SAFB: variants seen among roughly 807,000 people sequenced by gnomAD.
The protein encoded by SAFB is scaffold attachment factor B, also known as scaffold attachment factor B1.
In SAFB, 15 loss-of-function variants were observed where a neutral mutation model predicts 101.6. The observed-to-expected ratio is 0.15, with a 90% CI of 0.10 to 0.23. The LOEUF (loss-of-function observed/expected upper bound fraction) is 0.23. SAFB is among the 10% of genes least tolerant of loss of function. The pLI, the probability that SAFB is intolerant of heterozygous loss-of-function variation, is 1.00. For synonymous variants in SAFB, 449 were observed against 407.5 expected (o/e 1.10, Z -1.23); for missense variants, 930 against 1,104.1 (o/e 0.84, Z 2.23).
rs181905925 is a variant in SAFB, at chr19:5,630,125, C to G, written c.274+3636C>G. ...GTGCCTATTTCACTAAACTCAACAT[C>G]AAACTTACCTTGTTTGCCTGTTACC... On this transcript the variant is annotated intron_variant, in intron 2 of 20. Coordinates refer to ENST00000588852, the MANE Select transcript of SAFB (RefSeq NM_001201338.2). 8.5e-5 allele frequency among the ~76,000 whole-genome samples: 13 copies of G among 152,366 alleles called. No individual in the cohort carries two copies. The East Asian group carries it at 2.5e-3, about 29-fold the overall frequency.
At position 5,668,165 on chromosome 19, in the gene SAFB, C is replaced by T. The variant is rs76836312; in HGVS notation, c.2628C>T (p.Arg876=). ...ACCAATGTGAATTTGTTCCTAGGCGCGGCAGCTTTGCCCCAGGCGGGGCCT... is the reference window on the plus strand; with the variant it reads ...ACCAATGTGAATTTGTTCCTAGGCGTGGCAGCTTTGCCCCAGGCGGGGCCT... ...HMMNRGGMSG[R]GSFAPGGASR... Residue 876 remains arginine (R), a synonymous_variant, in exon 21 of 21, where the codon CGC becomes CGT. Coordinates refer to ENST00000588852, the MANE Select transcript of SAFB (RefSeq NM_001201338.2). 7.9e-3 allele frequency: 12,691 copies of T among 1,606,942 alleles called. 68 individuals are homozygous for T. The highest frequency in any genetic ancestry group is 0.013 in the Middle Eastern group (80 of 6,032).
intron 1 of SAFB, among the ~76,000 whole-genome samples, chr19:5,624,984 A>G (rs1262872945): frequency 2.6e-5 from 4 of 152,156 alleles, no homozygotes; most frequent in Admixed American, 2.0e-4. Context: ...ATAGGCCTGA[A>G]AAGCTGCTGT....
At position 5,634,221 on chromosome 19, in the gene SAFB, A is replaced by G. The variant is rs144972020; in HGVS notation, c.275-7373A>G. On this transcript the variant is annotated intron_variant, in intron 2 of 20. Coordinates refer to ENST00000588852, the MANE Select transcript of SAFB (RefSeq NM_001201338.2). Reference sequence around the variant, plus strand: ...AGAGAAAATTTTCCTAGATATGATGACTTTTTATCAGAAAATTGTCACTTT... The same window carrying G: ...AGAGAAAATTTTCCTAGATATGATGGCTTTTTATCAGAAAATTGTCACTTT... Among the ~76,000 whole-genome samples, 33 of 152,206 alleles carry G rather than the reference A, an allele frequency of 2.2e-4. No homozygotes were observed. The East Asian group carries it at 5.4e-3, about 25-fold the overall frequency.
At chr19:5,650,782 T>C (rs2053922422) in intron 8 of SAFB, among the ~76,000 whole-genome samples, 196 bp from the exon 9 acceptor site, 2 of 152,162 alleles carry the variant, frequency 1.3e-5, no homozygotes, top group Admixed American at 1.3e-4. Flanking sequence ...ACGGGCCCTG[T>C]GGTAGTGCTG....
At chr19:5,634,570 ACT>A (rs1393153251) in intron 2 of SAFB, among the ~76,000 whole-genome samples, 1 of 152,024 alleles carries the variant, frequency 6.6e-6, no homozygotes, top group Non-Finnish European at 1.5e-5. Context: ...AAAAGTTTTA[ACT>A]CTCTGTTAAG....
At chr19:5,666,916 C>T (rs2054338806) in intron 17 of SAFB, 130 bp from the exon 18 acceptor site, 7 of 765,704 alleles carry the variant, frequency 9.1e-6, no homozygotes, top group Non-Finnish European at 1.4e-5. Flanking sequence ...TTGTGTGAAC[C>T]GATACAGCCT....
chr19:5,648,356 ACC>A (rs2145445532), intron 6 of SAFB: 3 of 364,406 alleles, frequency 8.2e-6, no homozygotes, highest in Non-Finnish European at 1.5e-5. Flanking sequence ...GAGAGCTAAT[ACC>A]TCTGCACCCA....
chr19:5,659,297 C>T (rs774552514), intron 14 of SAFB, among the ~76,000 whole-genome samples: 4 of 152,032 alleles, frequency 2.6e-5, no homozygotes, highest in Non-Finnish European at 5.9e-5. Context: ...AAGAGCAAAA[C>T]GCTGTCTCAA....
At chr19:5,623,612 C>G (rs1481953754) in intron 1 of SAFB, among the ~76,000 whole-genome samples, 1 of 152,170 alleles carries the variant, frequency 6.6e-6, no homozygotes, top group East Asian at 1.9e-4. Context: ...CCAGGAGAAC[C>G]ACAAAAACGG....
chr19:5,623,417 G>A, intron 1 of SAFB, 23 bp downstream of exon 1: 1 of 1,608,462 alleles, frequency 6.2e-7, no homozygotes, highest in Non-Finnish European at 8.5e-7. Context: ...CCCCGAGGGC[G>A]GGCACAGGGT....
intron 2 of SAFB, among the ~76,000 whole-genome samples, chr19:5,639,452 G>A (rs950597595): frequency 4.6e-5 from 7 of 152,118 alleles, no homozygotes; most frequent in East Asian, 1.9e-4. Context: ...CAGCACTTTG[G>A]GAGGCTGAGG....
chr19:5,654,329 C>G, intron 12 of SAFB, 39 bp from the exon 13 acceptor site: 1 of 1,594,428 alleles, frequency 6.3e-7, no homozygotes. Flanking sequence ...TCTGGGTATT[C>G]TTGGTTTTCC....
In SAFB at chr19:5,664,103, C is replaced by T; in HGVS notation, c.2235C>T (p.Arg745=). 1 of 1,614,084 alleles carries T rather than the reference C, an allele frequency of 6.2e-7. No individual in the cohort carries two copies. The change falls in exon 16 of 21, where the codon CGC becomes CGT. Residue 745 remains arginine, a synonymous_variant. Transcript: ENST00000588852. The part of the protein sequence containing the change: ...RYHSDFNRQD[R]FHDFDHRDRG... The stretch of plus-strand genomic sequence containing the variant: ...ATTCTGACTTTAACCGCCAGGACCG[C>T]TTCCACGACTTTGACCACAGGGACC...
At chr19:5,630,110 C>T (rs982473657) in intron 2 of SAFB, among the ~76,000 whole-genome samples, 4 of 152,222 alleles carry the variant, frequency 2.6e-5, no homozygotes, top group South Asian at 4.1e-4. Context: ...GTGCCTATTT[C>T]ACTAAACTCA....
intron 11 of SAFB, 71 bp from the exon 12 acceptor site, chr19:5,653,990 C>A: frequency 6.7e-7 from 1 of 1,492,152 alleles, no homozygotes; most frequent in Non-Finnish European, 9.3e-7. Context: ...ATCCGCCCGC[C>A]TCATCCCCCC....
intron 9 of SAFB, among the ~76,000 whole-genome samples, chr19:5,652,762 A>G (rs1253362922): frequency 2.6e-5 from 4 of 151,034 alleles, no homozygotes; most frequent in Admixed American, 2.6e-4. Flanking sequence ...TTTTGCCCAC[A>G]TTACATCACT....
chr19:5,635,266 G>A (rs1051015066), intron 2 of SAFB, among the ~76,000 whole-genome samples: 8 of 152,202 alleles, frequency 5.3e-5, no homozygotes, highest in Non-Finnish European at 7.4e-5. Flanking sequence ...GGGAACTGCC[G>A]TAGCATGGAG....
intron 1 of SAFB, among the ~76,000 whole-genome samples, chr19:5,623,649 G>A (rs1017531767): frequency 1.3e-5 from 2 of 152,188 alleles, no homozygotes; most frequent in Admixed American, 1.3e-4. Flanking sequence ...ACGGTGACGG[G>A]TGACATCGTC....
chr19:5,658,636 G>T (rs2054120227), intron 14 of SAFB, among the ~76,000 whole-genome samples: 1 of 150,948 alleles, frequency 6.6e-6, no homozygotes, highest in Non-Finnish European at 1.5e-5. Flanking sequence ...GAGGTCAGGA[G>T]ATCGAGACCA....
Sources: allele counts gnomAD v4.1 joint callset (sites outside exome capture counted in the v4.1 genomes callset), GRCh38; gene constraint gnomAD v4.1.1; transcripts MANE v1.5; gene names NCBI Gene and HGNC (gene_info 2026-07-23, HGNC 2026-07-21).